Variants in CACNA1I observed in about 807,000 individuals in gnomAD.
CACNA1I encodes the protein calcium voltage-gated channel subunit alpha1 I.
Under a neutral mutation model 201.6 loss-of-function variants are expected in CACNA1I, and 74 were observed. The observed-to-expected ratio is 0.37, with a 90% CI of 0.30 to 0.45. The LOEUF (loss-of-function observed/expected upper bound fraction) is 0.45. CACNA1I is among the 20% of genes least tolerant of loss of function. CACNA1I has a pLI of 1.00. For synonymous variants in CACNA1I, 1,431 were observed against 1,345.2 expected, an observed-to-expected ratio of 1.06 and a Z score of -1.40; for missense variants, 2,346 against 3,138.1, an observed-to-expected ratio of 0.75 and a Z score of 6.03.
chr22:39,679,790 C>T lies in CACNA1I; in HGVS notation c.5463C>T (p.Ile1821=), dbSNP rs757162923. ...KDSLEGELTI[I]DNLSGSIFHH... The stretch of plus-strand genomic sequence containing the variant: ...CCTTGGAGGGGGAGCTGACCATCAT[C>T]GACAACCTGTCGGGCTCCATCTTCC... Residue 1821 remains isoleucine (I), a synonymous_variant, in exon 33 of 37, where the codon ATC becomes ATT. Transcript: ENST00000402142. 1.0e-4 allele frequency: 162 copies of T among 1,612,812 alleles called. No homozygotes were observed. The highest frequency in any genetic ancestry group is 1.3e-4 in the Non-Finnish European group (158 of 1,179,518).
chr22:39,660,799 C>T (rs940824427), intron 15 of CACNA1I, among the ~76,000 whole-genome samples: 5 of 152,102 alleles, frequency 3.3e-5, no homozygotes, highest in East Asian at 1.9e-4. Context: ...GTGTCTTTCT[C>T]GGTAACTGGG....
chr22:39,648,035 G>A lies in CACNA1I; in HGVS notation c.1567+109G>A, dbSNP rs371990222. ...GCATGGGGACGGCGCTTGAGCAGCC[G>A]CGACCCTCTGCAGGCCTGTCTCCCT... On this transcript the variant is annotated intron_variant, in intron 9 of 36. Coordinates refer to ENST00000402142, the MANE Select transcript of CACNA1I (RefSeq NM_021096.4). This position sits in a 1 kb window ranked among gnomAD's most constrained non-coding sequence, Gnocchi z 5.4. 7.6e-6 allele frequency: 7 copies of A among 926,392 alleles called. No homozygotes were observed. Among genetic ancestry groups the A allele is most frequent in the East Asian group, 2.6e-5 (1 of 38,394 alleles). 57.4% of individuals were successfully genotyped at this position (926,392 alleles called of 1,614,324 possible). A position where few individuals can be genotyped will look rare whatever the true frequency, so the allele number is the denominator to read the frequency against.
At chr22:39,613,389 C>A (rs1308584740) in intron 3 of CACNA1I, among the ~76,000 whole-genome samples, 1 of 152,180 alleles carries the variant, frequency 6.6e-6, no homozygotes, top group Non-Finnish European at 1.5e-5. Flanking sequence ...AAGAGCTCAT[C>A]TCTGCCTGGG....
At chr22:39,614,556 C>T (rs1193389219) in intron 3 of CACNA1I, among the ~76,000 whole-genome samples, 2 of 152,256 alleles carry the variant, frequency 1.3e-5, no homozygotes, top group East Asian at 1.9e-4. Context: ...AAGGGCTCTT[C>T]CCTGCAGTCC....
intron 1 of CACNA1I, among the ~76,000 whole-genome samples, chr22:39,586,050 T>C (rs1057105720): frequency 4.6e-5 from 7 of 151,804 alleles, no homozygotes; most frequent in Non-Finnish European, 1.5e-5. Context: ...TGGTGGCATG[T>C]GCCTGTAATC....
chr22:39,640,437 A>G lies in CACNA1I; in HGVS notation c.741-430A>G, dbSNP rs115019044. Among the ~76,000 whole-genome samples, 1,186 of 152,282 alleles carry G rather than the reference A, an allele frequency of 7.8e-3. 18 individuals carry two copies. Among genetic ancestry groups the G allele is most frequent in the African/African-American group, 0.027 (1,141 of 41,552 alleles). On this transcript the variant is annotated intron_variant, in intron 5 of 36. Coordinates refer to ENST00000402142, the MANE Select transcript of CACNA1I (RefSeq NM_021096.4). ...TCTAGAGAGAGGAAGTGATCAGCCCAGGATCACTTACATGGAAGTGGGTGG... is the reference window on the plus strand; with the variant it reads ...TCTAGAGAGAGGAAGTGATCAGCCCGGGATCACTTACATGGAAGTGGGTGG...
chr22:39,635,752 G>A (rs1361909120), intron 5 of CACNA1I, among the ~76,000 whole-genome samples: 1 of 152,060 alleles, frequency 6.6e-6, no homozygotes. Context: ...TCGAAGTCAG[G>A]GTAGTGTGAG....
rs780539958 is a variant in CACNA1I at position 39,663,792 on chromosome 22, A to G, written c.3548A>G (p.Asn1183Ser). 1 of 1,613,700 alleles carries G rather than the reference A, an allele frequency of 6.2e-7. No homozygotes were observed. The highest frequency in any genetic ancestry group is 8.5e-7 in the Non-Finnish European group (1 of 1,179,794). The change falls in exon 19 of 37, where the codon AAC becomes AGC. Residue 1183 changes from asparagine to serine, a missense_variant. By Grantham distance (46) the Asn-to-Ser change is conservative (BLOSUM62 1). Around this residue, in one of 13 missense-constraint regions of CACNA1I, gnomAD observed 158 missense variants for 231.6 expected, o/e 0.68. Transcript: ENST00000402142. ...GTCGTCCTGGCCTTCATCTTTCTCA[A>G]CTGCATCACCATCGCCCTGGAGCGG... Reference protein sequence around the residue: ...DYVVLAFIFLNCITIALERPQ... With the variant: ...DYVVLAFIFLSCITIALERPQ...
Position 39,685,970 on chromosome 22 carries a change from G to C in CACNA1I, c.6237G>C (p.Gly2079=), listed in dbSNP as rs1484667539. 8.0e-7 allele frequency: 1 copy of C among 1,256,928 alleles called. No homozygotes were observed. The allele number at this position is 1,256,928 out of a possible 1,614,324, so 77.9% of individuals were successfully genotyped here. ...LRGRGLFSLR[G]LRAHQRSHSS... is the part of the protein sequence containing the mutation. Reference sequence around the variant, plus strand: ...GCCGGGGCCTCTTCAGCCTGCGGGGGCTGCGGGCGCATCAGCGCAGCCACA... The same window carrying C: ...GCCGGGGCCTCTTCAGCCTGCGGGGCCTGCGGGCGCATCAGCGCAGCCACA... Residue 2079 remains glycine, a synonymous_variant, in exon 37 of 37, where the codon GGG becomes GGC. Coordinates refer to ENST00000402142, the MANE Select transcript of CACNA1I (RefSeq NM_021096.4). The surrounding 1 kb of genome is among the most constrained non-coding windows in gnomAD (Gnocchi z 5.0).
At chr22:39,627,688 G>T (rs1373949438) in intron 4 of CACNA1I, among the ~76,000 whole-genome samples, 2 of 152,190 alleles carry the variant, frequency 1.3e-5, no homozygotes, top group Admixed American at 6.5e-5. Context: ...CGGCATTTTC[G>T]CCTGAAGCAT....
At chr22:39,653,689 G>C (rs1424524656) in intron 10 of CACNA1I, among the ~76,000 whole-genome samples, 4 of 152,218 alleles carry the variant, frequency 2.6e-5, no homozygotes, top group African/African-American at 9.6e-5. Context: ...AAGTGGGGCA[G>C]AGTGACCTCA....
At chr22:39,633,210 A>G (rs1223322856) in intron 4 of CACNA1I, among the ~76,000 whole-genome samples, 2 of 151,860 alleles carry the variant, frequency 1.3e-5, no homozygotes, top group African/African-American at 4.8e-5. Flanking sequence ...CATTGAACAA[A>G]TGTTAGGTGA....
intron 3 of CACNA1I, among the ~76,000 whole-genome samples, chr22:39,616,422 A>G (rs1278747959): frequency 6.6e-6 from 1 of 152,160 alleles, no homozygotes; most frequent in Non-Finnish European, 1.5e-5. Context: ...CCCTGGGATC[A>G]GTCTCTTCCT....
At chr22:39,674,185 A>C (rs541297230) in intron 29 of CACNA1I, among the ~76,000 whole-genome samples, 152 bp downstream of exon 29, 19 of 152,124 alleles carry the variant, frequency 1.2e-4, no homozygotes, top group Admixed American at 3.3e-4. Context: ...AGGGGCTGAG[A>C]GGCAGGAAGG....
intron 3 of CACNA1I, among the ~76,000 whole-genome samples, chr22:39,611,535 G>A (rs537973444): frequency 1.7e-3 from 252 of 152,292 alleles, no homozygotes; most frequent in Non-Finnish European, 2.6e-3. Context: ...GCACCACACA[G>A]AGCCCACTCT....
Position 39,649,976 on chromosome 22 carries a change from A to C in CACNA1I, c.1992+51A>C, listed in dbSNP as rs1934602866. ...CCTGCGGGAGAGGTGTGAGGGCCCC[A>C]GGACCCTGCCCAGGCCTGGGCAGCC... is the stretch of plus-strand genomic sequence containing the variant. On this transcript the variant is annotated intron_variant, in intron 10 of 36. Transcript: ENST00000402142. The surrounding 1 kb of genome is among the most constrained non-coding windows in gnomAD (Gnocchi z 7.3). 2 of 1,587,692 alleles carry C rather than the reference A, an allele frequency of 1.3e-6. No homozygotes were observed. The highest frequency in any genetic ancestry group is 4.5e-5 in the East Asian group (2 of 44,486).
intron 1 of CACNA1I, among the ~76,000 whole-genome samples, chr22:39,587,450 C>T (rs1292221382): frequency 6.6e-6 from 1 of 152,190 alleles, no homozygotes; most frequent in Non-Finnish European, 1.5e-5. Flanking sequence ...TCTGTCTCAG[C>T]TCAATCACTG....
At chr22:39,669,980 T>C (rs1487394481) in intron 24 of CACNA1I, 58 bp from the exon 25 acceptor site, 2 of 1,593,234 alleles carry the variant, frequency 1.3e-6, no homozygotes, top group African/African-American at 2.7e-5. Flanking sequence ...GATGGGCACC[T>C]CCCCATGGCC....
chr22:39,650,182 G>A (rs1480885275), intron 10 of CACNA1I, among the ~76,000 whole-genome samples: 1 of 152,008 alleles, frequency 6.6e-6, no homozygotes, highest in Admixed American at 6.5e-5. Context: ...GGGCCTCTCC[G>A]GGGCTCTTTT....
Sources: allele counts gnomAD v4.1 joint callset (sites outside exome capture counted in the v4.1 genomes callset), GRCh38; gene constraint gnomAD v4.1.1; regional missense constraint gnomAD v4.1.1; non-coding constraint Gnocchi (gnomAD v3.1); transcripts MANE v1.5; gene names NCBI Gene and HGNC (gene_info 2026-07-23, HGNC 2026-07-21).